Variants in DAAM2 observed in about 807,000 individuals in gnomAD.
DAAM2 encodes the protein disheveled-associated activator of morphogenesis 2.
A neutral mutation model predicts 120.7 loss-of-function variants in DAAM2; 39 were observed. That is an observed-to-expected ratio of 0.32 (90% CI 0.25 to 0.42). The LOEUF (loss-of-function observed/expected upper bound fraction) is 0.42, where lower values mean the gene tolerates loss of function less well. Among genes scored for constraint, DAAM2 ranks in the 10% least tolerant of loss-of-function variants. DAAM2 has a pLI of 1.00. For missense variants in DAAM2, 1,283 were observed against 1,401.7 expected, an observed-to-expected ratio of 0.92 and a Z score of 1.35; for synonymous variants, 488 against 524.9, an observed-to-expected ratio of 0.93 and a Z score of 0.96.
rs1766394911 is a variant in DAAM2, at chr6:39,900,218, C to T, written c.2811+10C>T. 2 of 1,607,994 alleles carry T rather than the reference C, an allele frequency of 1.2e-6. No homozygotes were observed. Among genetic ancestry groups the T allele is most frequent in the South Asian group, 1.1e-5 (1 of 89,662 alleles). ...TGAGGCCAGGGACAAGGTAAGGGTG[C>T]CCCAACCCCCACTGCTTGCCAACCC... On this transcript the variant is annotated intron_variant, in intron 23 of 24. Coordinates refer to ENST00000274867, the MANE Select transcript of DAAM2 (RefSeq NM_001201427.2).
In DAAM2 at chr6:39,904,024, G is replaced by A. The variant is rs1766638128; in HGVS notation, c.*1987G>A. The A allele has an allele frequency of 2.7e-6, 1 of 364,702 alleles. No individual in the cohort carries two copies. Among genetic ancestry groups the A allele is most frequent in the African/African-American group, 2.1e-5 (1 of 46,840 alleles). 22.6% of individuals were successfully genotyped at this position (364,702 alleles called of 1,614,324 possible). ...GGAGGTTGTGGGTGAGGCCTCTAAAGGTCCTCTCCCAAACTGACCAGGCTG... is the reference window on the plus strand; with the variant it reads ...GGAGGTTGTGGGTGAGGCCTCTAAAAGTCCTCTCCCAAACTGACCAGGCTG... On this transcript the variant is annotated 3_prime_UTR_variant, in exon 25 of 25. Coordinates refer to ENST00000274867, the MANE Select transcript of DAAM2 (RefSeq NM_001201427.2).
At chr6:39,867,224 G>T (rs938355811) in intron 5 of DAAM2, 15 of 411,844 alleles carry the variant, frequency 3.6e-5, no homozygotes, top group South Asian at 2.0e-4. Context: ...AGGTTTAACA[G>T]CTCTGATAAT....
At chr6:39,840,700 A>C (rs112991926) in intron 1 of DAAM2, among the ~76,000 whole-genome samples, 40 of 152,128 alleles carry the variant, frequency 2.6e-4, no homozygotes, top group African/African-American at 9.7e-4. Flanking sequence ...AGAAGGCCAG[A>C]CATCCAGGGT....
intron 17 of DAAM2, among the ~76,000 whole-genome samples, chr6:39,890,373 C>T (rs1005086933): frequency 2.0e-5 from 3 of 152,170 alleles, no homozygotes; most frequent in Non-Finnish European, 4.4e-5. Flanking sequence ...GAACTGTGAA[C>T]AACCCAACTG....
rs1766460227 is a variant in DAAM2 at position 39,901,220 on chromosome 6, G to A, written c.2812-82G>A. On this transcript the variant is annotated intron_variant, in intron 23 of 24. Coordinates refer to ENST00000274867, the MANE Select transcript of DAAM2 (RefSeq NM_001201427.2). This position sits in a 1 kb window ranked among gnomAD's most constrained non-coding sequence, Gnocchi z 4.5. ...CCAGCCTTGCGCTGGGCTCTGCTCT[G>A]GCTAGAACCCAGCTAACCTCAGGGG... The A allele has an allele frequency of 1.4e-5, 19 of 1,369,980 alleles. No homozygotes were observed. The highest frequency in any genetic ancestry group is 1.9e-5 in the Non-Finnish European group (19 of 980,592). 84.9% of individuals were successfully genotyped at this position (1,369,980 alleles called of 1,614,324 possible). A position where few individuals can be genotyped will look rare whatever the true frequency, so the allele number is the denominator to read the frequency against.
chr6:39,812,147 C>A (rs1762182208), intron 1 of DAAM2, among the ~76,000 whole-genome samples: 1 of 152,194 alleles, frequency 6.6e-6, no homozygotes, highest in African/African-American at 2.4e-5. Flanking sequence ...GGAGCTAGGT[C>A]TTCCCACTCC....
At chr6:39,807,836 T>C (rs1762052757) in intron 1 of DAAM2, among the ~76,000 whole-genome samples, 1 of 152,158 alleles carries the variant, frequency 6.6e-6, no homozygotes, top group Non-Finnish European at 1.5e-5. Flanking sequence ...ATTATTTATA[T>C]TTTTTAGATA....
chr6:39,898,735 C>CA, intron 21 of DAAM2, 142 bp from the exon 22 acceptor site: 1 of 717,644 alleles, frequency 1.4e-6, no homozygotes, highest in East Asian at 2.7e-5. Flanking sequence ...GGGCCAACAT[C>CA]AATGGCCACA....
Position 39,887,419 on chromosome 6 carries a change from G to A in DAAM2, c.1954-67G>A, listed in dbSNP as rs1298661644. On this transcript the variant is annotated intron_variant, in intron 15 of 24. Coordinates refer to ENST00000274867, the MANE Select transcript of DAAM2 (RefSeq NM_001201427.2). ...CCTGGATTGGTAGGAGGTGGCTCTT[G>A]CGGGGCGGGTAAGAGGAGGATTAGG... 7.0e-6 allele frequency: 8 copies of A among 1,144,216 alleles called. No individual in the cohort carries two copies. The African/African-American group carries it at 1.2e-4, about 18-fold the overall frequency. The allele number at this position is 1,144,216 out of a possible 1,614,324, so 70.9% of individuals were successfully genotyped here. A position where few individuals can be genotyped will look rare whatever the true frequency, so the allele number is the denominator to read the frequency against.
intron 14 of DAAM2, chr6:39,881,860 T>C (rs138742097): frequency 7.1e-4 from 108 of 152,128 alleles, no homozygotes; most frequent in African/African-American, 2.5e-3. Context: ...AAGTATGTTA[T>C]CTCACTTCTC....
intron 1 of DAAM2, among the ~76,000 whole-genome samples, chr6:39,799,849 C>G (rs1199300853): frequency 6.6e-6 from 1 of 152,130 alleles, no homozygotes; most frequent in Non-Finnish European, 1.5e-5. Context: ...ATGTTAATAG[C>G]CTAGTAATAT....
chr6:39,889,899 G>A (rs1379511667), intron 17 of DAAM2, among the ~76,000 whole-genome samples: 1 of 152,164 alleles, frequency 6.6e-6, no homozygotes, highest in Non-Finnish European at 1.5e-5. Context: ...AGGCTGAGGT[G>A]GACAAATTAC....
intron 1 of DAAM2, among the ~76,000 whole-genome samples, chr6:39,823,995 G>A (rs541880119): frequency 6.6e-6 from 1 of 152,186 alleles, no homozygotes; most frequent in East Asian, 1.9e-4. Context: ...GGCCCTGGGT[G>A]GTCATTCTGG....
chr6:39,827,752 C>G (rs1762727645), intron 1 of DAAM2, among the ~76,000 whole-genome samples: 1 of 152,120 alleles, frequency 6.6e-6, no homozygotes, highest in East Asian at 1.9e-4. Context: ...TCTTAATGGA[C>G]CAAAGGGGAA....
At chr6:39,829,908 C>T (rs1719274454) in intron 1 of DAAM2, among the ~76,000 whole-genome samples, 1 of 152,150 alleles carries the variant, frequency 6.6e-6, no homozygotes, top group Non-Finnish European at 1.5e-5. Flanking sequence ...CAAGTTGTTG[C>T]TGGCCAGAAG....
intron 1 of DAAM2, among the ~76,000 whole-genome samples, chr6:39,807,702 A>G (rs1427099172): frequency 1.3e-5 from 2 of 152,122 alleles, no homozygotes; most frequent in African/African-American, 4.8e-5. Context: ...TTTTTGCTAG[A>G]GATGGGGTTT....
chr6:39,867,882 G>C (rs1171377102), intron 6 of DAAM2, 39 bp downstream of exon 6: 1 of 1,510,232 alleles, frequency 6.6e-7, no homozygotes, highest in Non-Finnish European at 8.9e-7. Flanking sequence ...CAGCTGGGTG[G>C]GGCAGAGGAT....
rs74690344 is a variant in DAAM2 at position 39,795,439 on chromosome 6, G to A, written c.-57+2974G>A. ...AGAGAGAGAACTGTGACCTAAATAC[G>A]AATTAGTAACCTGGGCTACATGACT... On this transcript the variant is annotated intron_variant, in intron 1 of 24. Transcript: ENST00000274867. 3.7e-4 allele frequency among the ~76,000 whole-genome samples: 57 copies of A among 152,218 alleles called. 2 individuals are homozygous for A. The East Asian group carries it at 0.011, about 28-fold the overall frequency.
At chr6:39,866,327 A>AT (rs1764430661) in intron 5 of DAAM2, among the ~76,000 whole-genome samples, 2 of 152,238 alleles carry the variant, frequency 1.3e-5, no homozygotes, top group African/African-American at 4.8e-5. Context: ...CATTGTGGAA[A>AT]TTTTATGGAA....
Sources: gnomAD v4.1 joint callset for allele counts (sites outside exome capture counted in the v4.1 genomes callset) on GRCh38, gnomAD v4.1.1 for gene constraint, Gnocchi (gnomAD v3.1) non-coding constraint, MANE v1.5 for transcripts, NCBI Gene and HGNC (gene_info 2026-07-23, HGNC 2026-07-21) for gene names.